Variants in MYBPC2 observed in about 807,000 individuals in gnomAD.
MYBPC2 encodes myosin binding protein C2, also known as myosin-binding protein C, fast-type.
A neutral mutation model predicts 137.0 loss-of-function variants in MYBPC2; 122 were observed. The ratio of observed to expected loss-of-function variants is 0.89; its 90% CI spans 0.77 to 1.03. MYBPC2 has a LOEUF of 1.03. Among genes scored for constraint, MYBPC2 ranks in the 50% least tolerant of loss-of-function variants. The pLI is 0.00. For synonymous variants in MYBPC2, 626 were observed against 612.3 expected (o/e 1.02, Z -0.33); for missense variants, 1,500 against 1,534.4 (o/e 0.98, Z 0.37).
intron 4 of MYBPC2, among the ~76,000 whole-genome samples, 152 bp downstream of exon 4, chr19:50,436,312 T>A (rs2039703315): frequency 6.6e-6 from 1 of 151,956 alleles, no homozygotes; most frequent in African/African-American, 2.4e-5. Flanking sequence ...GCGGGGCTGC[T>A]GGGGAGAGGT....
chr19:50,451,179 G>C lies in MYBPC2; in HGVS notation c.1580-101G>C, dbSNP rs534217534. Reference sequence around the variant, plus strand: ...CTGTCTCCAGCACCCCAGTTCCCAGGGAGACTGCCAGACCCTGTCACCTCT... The same window carrying C: ...CTGTCTCCAGCACCCCAGTTCCCAGCGAGACTGCCAGACCCTGTCACCTCT... On this transcript the variant is annotated intron_variant, in intron 14 of 27. Transcript: ENST00000357701. 18 of 1,450,706 alleles carry C rather than the reference G, an allele frequency of 1.2e-5. No individual in the cohort carries two copies. The South Asian group carries it at 1.8e-4, about 14-fold the overall frequency. The allele number at this position is 1,450,706 out of a possible 1,614,324, so 89.9% of individuals were successfully genotyped here. A position where few individuals can be genotyped will look rare whatever the true frequency, so the allele number is the denominator to read the frequency against.
chr19:50,444,962 T>C (rs2039791074), intron 11 of MYBPC2, among the ~76,000 whole-genome samples: 1 of 147,532 alleles, frequency 6.8e-6, no homozygotes, highest in Non-Finnish European at 1.5e-5. Flanking sequence ...GTGATAGTGG[T>C]GGTGGTGGTG....
At chr19:50,440,552 A>T (rs1439898965) in intron 7 of MYBPC2, among the ~76,000 whole-genome samples, 1 of 151,190 alleles carries the variant, frequency 6.6e-6, no homozygotes, top group African/African-American at 2.4e-5. Context: ...AGTCCCAGCT[A>T]CTCGGGAGGC....
rs747626920 is a variant in MYBPC2 at position 50,443,628 on chromosome 19, G to T, written c.1027+10G>T. The stretch of plus-strand genomic sequence containing the variant: ...GAGCTCTTCGTCAAAGGTGAGGCTG[G>T]AATTCAGAACTGAGCCTGGAGAGGG... On this transcript the variant is annotated intron_variant, in intron 10 of 27. Transcript: ENST00000357701. 7 of 1,613,626 alleles carry T rather than the reference G, an allele frequency of 4.3e-6. No individual in the cohort carries two copies. The Admixed American group carries it at 1.0e-4, about 23-fold the overall frequency.
intron 16 of MYBPC2, among the ~76,000 whole-genome samples, chr19:50,452,883 C>T (rs1446918619): frequency 6.6e-6 from 1 of 151,734 alleles, no homozygotes; most frequent in African/African-American, 2.4e-5. Flanking sequence ...TCTATCCATC[C>T]GTCCAACAAA....
At chr19:50,452,520 C>G (rs865806545) in intron 16 of MYBPC2, among the ~76,000 whole-genome samples, 7 of 149,890 alleles carry the variant, frequency 4.7e-5, no homozygotes, top group African/African-American at 1.7e-4. Context: ...ATCTATCTAT[C>G]TATCTATCTA....
In MYBPC2 at chr19:50,455,100, G is replaced by A. The variant is rs376899142; in HGVS notation, c.2015-8G>A. On this transcript the variant is annotated splice_polypyrimidine_tract_variant and splice_region_variant and intron_variant, in intron 18 of 27. Coordinates refer to ENST00000357701, the MANE Select transcript of MYBPC2 (RefSeq NM_004533.4). The stretch of plus-strand genomic sequence containing the variant: ...TTCCCTCTTCTCCTCTCTGCTTGGA[G>A]CCTCCAGGGTACCTCGTAGAGCGGA... 378 of 1,605,180 alleles carry A rather than the reference G, an allele frequency of 2.4e-4. No individual in the cohort carries two copies. Among genetic ancestry groups the A allele is most frequent in the Non-Finnish European group, 3.0e-4 (352 of 1,175,622 alleles).
At chr19:50,458,797 G>T in intron 21 of MYBPC2, 43 bp downstream of exon 21, 1 of 1,603,778 alleles carries the variant, frequency 6.2e-7, no homozygotes, top group Non-Finnish European at 8.5e-7. Context: ...CCAAGCTGGC[G>T]TCGTCCCGCC....
chr19:50,462,971 C>T lies in MYBPC2; in HGVS notation c.3228+935C>T, dbSNP rs527681064. Among the ~76,000 whole-genome samples the T allele has an allele frequency of 5.3e-5, 8 of 152,280 alleles. No homozygotes were observed. The East Asian group carries it at 1.5e-3, about 29-fold the overall frequency. ...AATGCCAGTCCCATGGAAAAAGAAA[C>T]GTTGGGAGCAGGGGCAGCCTAGACC... On this transcript the variant is annotated intron_variant, in intron 26 of 27. Transcript: ENST00000357701.
At chr19:50,464,679 A>C in intron 27 of MYBPC2, 147 bp downstream of exon 27, 2 of 982,210 alleles carry the variant, frequency 2.0e-6, no homozygotes, top group Non-Finnish European at 2.8e-6. Context: ...TGCTGTCCTG[A>C]AGGCAGCACA....
At chr19:50,464,975 C>G (rs1343047557) in intron 27 of MYBPC2, among the ~76,000 whole-genome samples, 1 of 152,084 alleles carries the variant, frequency 6.6e-6, no homozygotes. Flanking sequence ...TCTCCCTGCC[C>G]CGTCCCTCAT....
At chr19:50,453,124 T>C (rs1334664054) in intron 16 of MYBPC2, among the ~76,000 whole-genome samples, 3 of 152,142 alleles carry the variant, frequency 2.0e-5, no homozygotes, top group Non-Finnish European at 4.4e-5. Context: ...ATTTATTTAT[T>C]TATTTTTAAA....
chr19:50,446,818 C>CA (rs746953730), intron 12 of MYBPC2, among the ~76,000 whole-genome samples: 29,356 of 102,208 alleles, frequency 0.29, 4,006 homozygotes, highest in Non-Finnish European at 0.34. Flanking sequence ...GACTCTGTCT[C>CA]AAAAAAAAAA....
At chr19:50,464,313 T>C in intron 26 of MYBPC2, 33 bp from the exon 27 acceptor site, 2 of 1,567,306 alleles carry the variant, frequency 1.3e-6, no homozygotes, top group Non-Finnish European at 1.7e-6. Context: ...GGTCTCTCTC[T>C]AAGTTGGCCT....
intron 5 of MYBPC2, 57 bp from the exon 6 acceptor site, chr19:50,437,416 T>C: frequency 7.1e-6 from 11 of 1,548,132 alleles, no homozygotes; most frequent in Non-Finnish European, 9.7e-6. Context: ...GGGCTCTCAG[T>C]CTAAGATCAG....
intron 11 of MYBPC2, among the ~76,000 whole-genome samples, chr19:50,445,494 G>C (rs2039795795): frequency 6.6e-6 from 1 of 150,942 alleles, no homozygotes; most frequent in South Asian, 2.1e-4. Flanking sequence ...CCGGATTCAA[G>C]CAATTCTCCT....
At chr19:50,440,360 A>G (rs577360360) in intron 7 of MYBPC2, among the ~76,000 whole-genome samples, 3 of 151,406 alleles carry the variant, frequency 2.0e-5, no homozygotes, top group African/African-American at 7.3e-5. Context: ...ATAAATAAAT[A>G]AATGAAAAGA....
intron 16 of MYBPC2, 45 bp from the exon 17 acceptor site, chr19:50,453,975 T>C (rs781734515): frequency 5.2e-6 from 8 of 1,545,598 alleles, no homozygotes; most frequent in Admixed American, 2.0e-5. Context: ...CTGGGTTTGC[T>C]TGGGGACACG....
chr19:50,459,206 C>G lies in MYBPC2; in HGVS notation c.2691C>G (p.Phe897Leu). 6.2e-7 allele frequency: 1 copy of G among 1,610,806 alleles called. No homozygotes were observed. The highest frequency in any genetic ancestry group is 1.7e-5 in the Admixed American group (1 of 59,898). ...GGACCAGCGACTTCGACACCGTGTT[C>G]TTCGTGCGCCAGGCGGCCCGCTCCG... is the stretch of plus-strand genomic sequence containing the variant. The part of the protein sequence containing the change: ...HVRTSDFDTV[F>L]FVRQAARSDS... Residue 897 changes from phenylalanine to leucine, a missense_variant, in exon 23 of 28, where the codon TTC becomes TTG. Coordinates refer to ENST00000357701, the MANE Select transcript of MYBPC2 (RefSeq NM_004533.4).
Sources: allele counts gnomAD v4.1 joint callset (sites outside exome capture counted in the v4.1 genomes callset), GRCh38; gene constraint gnomAD v4.1.1; transcripts MANE v1.5; gene names NCBI Gene and HGNC (gene_info 2026-07-23, HGNC 2026-07-21).